The following SEC14L1 variants were observed in gnomAD, a reference collection of about 807,000 sequenced individuals.
SEC14L1 encodes SEC14-like protein 1.
SEC14L1 carries 48 observed loss-of-function variants against 85.3 expected under a neutral mutation model. The ratio of observed to expected loss-of-function variants is 0.56; its 90% confidence interval spans 0.45 to 0.72. SEC14L1 has a LOEUF of 0.72. SEC14L1 is among the 30% of genes least tolerant of loss of function. The pLI, the probability that SEC14L1 is intolerant of heterozygous loss-of-function variation, is 0.00. For missense variants in SEC14L1, 682 were observed against 921.4 expected, an observed-to-expected ratio of 0.74 and a Z score of 3.36; for synonymous variants, 391 against 355.5, an observed-to-expected ratio of 1.10 and a Z score of -1.12.
At chr17:77,189,198 A>G (rs1467464852) in intron 3 of SEC14L1, among the ~76,000 whole-genome samples, 1 of 152,184 alleles carries the variant, frequency 6.6e-6, no homozygotes, top group Admixed American at 6.5e-5. Flanking sequence ...TGAGCTGAGC[A>G]GGGGAAGCTG....
chr17:77,132,113 C>T (rs16969683), intron 3 of SEC14L1, among the ~76,000 whole-genome samples: 48,136 of 152,060 alleles, frequency 0.32, 8,251 homozygotes, highest in African/African-American at 0.45. Flanking sequence ...GGAAACTTTG[C>T]CAGATGGCCC....
At chr17:77,152,535 CAAA>C (rs11295576) in intron 3 of SEC14L1, 12 of 108,332 alleles carry the variant, frequency 1.1e-4, no homozygotes, top group Non-Finnish European at 2.0e-4. Context: ...GACTCCGTCT[CAAA>C]AAAAAAAAAA....
chr17:77,140,686 G>C (rs2143491278), upstream of SEC14L1: 1 of 137,356 alleles, frequency 7.3e-6, no homozygotes. Context: ...CCCCCAACAA[G>C]TGACGCAAAA....
intron 3 of SEC14L1, among the ~76,000 whole-genome samples, chr17:77,100,258 C>G (rs753575169): frequency 1.3e-5 from 2 of 152,220 alleles, no homozygotes; most frequent in Admixed American, 6.5e-5. Flanking sequence ...CTGCACCCTC[C>G]GAGCACTGTG....
intron 3 of SEC14L1, among the ~76,000 whole-genome samples, chr17:77,163,216 C>G (rs1167247912): frequency 6.6e-6 from 1 of 152,140 alleles, no homozygotes; most frequent in Non-Finnish European, 1.5e-5. Context: ...ATTGGACTTA[C>G]CCTGTCACAC....
intron 3 of SEC14L1, among the ~76,000 whole-genome samples, chr17:77,175,384 C>CA (rs1311615735): frequency 6.6e-6 from 1 of 152,212 alleles, no homozygotes; most frequent in Non-Finnish European, 1.5e-5. Flanking sequence ...CTAGCTAAAG[C>CA]AAGCTTATAG....
chr17:77,216,632 A>G lies in SEC14L1; in HGVS notation c.*2609A>G. 1 of 1,612,096 alleles carries G rather than the reference A, an allele frequency of 6.2e-7. No individual in the cohort carries two copies. The highest frequency in any genetic ancestry group is 1.3e-5 in the African/African-American group (1 of 74,926). ...CAGAGATGTTTATAGAACTGTTTGA[A>G]TTGCAGCCATCCCCTGCCCCCTCCC... On this transcript the variant is annotated 3_prime_UTR_variant, in exon 17 of 17. Transcript: ENST00000436233.
At chr17:77,132,296 C>T (rs1163842779) in intron 3 of SEC14L1, among the ~76,000 whole-genome samples, 1 of 149,006 alleles carries the variant, frequency 6.7e-6, no homozygotes, top group Admixed American at 6.7e-5. Flanking sequence ...GGCACGATCT[C>T]ACTGCACCCT....
rs544933729 is a variant in SEC14L1, at chr17:77,190,704, G to A, written c.64-99G>A. The A allele has an allele frequency of 9.5e-5, 117 of 1,231,508 alleles. 1 individual carries two copies. Among genetic ancestry groups the A allele is most frequent in the Middle Eastern group, 6.3e-4 (3 of 4,768 alleles). The allele number at this position is 1,231,508 out of a possible 1,614,324, so 76.3% of individuals were successfully genotyped here. ...GACAGTTGTGGCGCTGCCTGTTGCC[G>A]TGCACCGAGAGGTGCTGTTCCAGGG... On this transcript the variant is annotated intron_variant, in intron 3 of 16. Transcript: ENST00000436233.
chr17:77,190,209 T>G (rs1263639292), intron 3 of SEC14L1, among the ~76,000 whole-genome samples: 2 of 152,252 alleles, frequency 1.3e-5, no homozygotes, highest in Non-Finnish European at 2.9e-5. Context: ...TCCAGTAACA[T>G]GTTGAAAAGA....
chr17:77,094,854 C>T (rs1971602135), intron 3 of SEC14L1: 1 of 152,222 alleles, frequency 6.6e-6, no homozygotes, highest in African/African-American at 2.4e-5. Flanking sequence ...CTACATTCTC[C>T]TCTGCATGCT....
intron 3 of SEC14L1, among the ~76,000 whole-genome samples, chr17:77,111,837 T>C (rs898924598): frequency 6.6e-6 from 1 of 152,172 alleles, no homozygotes; most frequent in African/African-American, 2.4e-5. Flanking sequence ...ACTTGGACTT[T>C]TGGGTTAATG....
intron 3 of SEC14L1, among the ~76,000 whole-genome samples, chr17:77,176,468 G>C (rs529111734): frequency 8.5e-5 from 13 of 152,342 alleles, no homozygotes; most frequent in African/African-American, 2.9e-4. Context: ...GCTCCTGTCT[G>C]CCTAGGCATT....
rs543260671 is a variant in SEC14L1 at position 77,161,037 on chromosome 17, C to T, written c.63+17378C>T. Among the ~76,000 whole-genome samples, 13 of 152,176 alleles carry T rather than the reference C, an allele frequency of 8.5e-5. No individual in the cohort carries two copies. The East Asian group carries it at 9.7e-4, about 11-fold the overall frequency. Reference sequence around the variant, plus strand: ...CTGTCCAGTTTGAAAGAAGCTGTGCCCCTCCTGTTCAGTTCCATATTCATT... The same window carrying T: ...CTGTCCAGTTTGAAAGAAGCTGTGCTCCTCCTGTTCAGTTCCATATTCATT... On this transcript the variant is annotated intron_variant, in intron 3 of 16. Coordinates refer to ENST00000436233, the MANE Select transcript of SEC14L1 (RefSeq NM_001143998.2).
At chr17:77,146,247 C>T (rs1040185857) in intron 3 of SEC14L1, among the ~76,000 whole-genome samples, 11 of 151,964 alleles carry the variant, frequency 7.2e-5, no homozygotes, top group Admixed American at 3.9e-4. Flanking sequence ...GCCCACGGCC[C>T]GGGGTGGACA....
chr17:77,214,602 C>T lies in SEC14L1; in HGVS notation c.*579C>T, dbSNP rs996696711. ...GAGTACCTTGTCCCAGGGCCAGACA[C>T]ACCCACACCACCCACTGTCCTGCAG... On this transcript the variant is annotated 3_prime_UTR_variant, in exon 17 of 17. Transcript: ENST00000436233. The T allele has an allele frequency of 1.0e-6, 1 of 986,948 alleles. No individual in the cohort carries two copies. The highest frequency in any genetic ancestry group is 1.2e-6 in the Non-Finnish European group (1 of 831,030). The allele number at this position is 986,948 out of a possible 1,614,324, so 61.1% of individuals were successfully genotyped here. A position where few individuals can be genotyped will look rare whatever the true frequency, so the allele number is the denominator to read the frequency against.
chr17:77,110,466 A>G (rs1237890101), intron 3 of SEC14L1, among the ~76,000 whole-genome samples: 1 of 152,166 alleles, frequency 6.6e-6, no homozygotes, highest in East Asian at 1.9e-4. Flanking sequence ...AATATGAGTG[A>G]CCATGGCCAG....
exon 2 of SEC14L1, chr17:77,089,224 G>C (rs1971445512): frequency 2.9e-6 from 1 of 342,008 alleles, no homozygotes; most frequent in Admixed American, 3.6e-5. Context: ...TTTTCTTCCT[G>C]CCCCTCGTTG....
Position 77,214,038 on chromosome 17 carries a change from C to T in SEC14L1, c.*15C>T. On this transcript the variant is annotated 3_prime_UTR_variant, in exon 17 of 17. Coordinates refer to ENST00000436233, the MANE Select transcript of SEC14L1 (RefSeq NM_001143998.2). ...TCTCCAGGTAGTGCCGCGCTGCCTG[C>T]ACCTAGTGTGCAGAGGGGACGGCCG... The T allele has an allele frequency of 6.2e-7, 1 of 1,610,066 alleles. No individual in the cohort carries two copies.
Sources: gnomAD v4.1 joint callset for allele counts (sites outside exome capture counted in the v4.1 genomes callset) on GRCh38, gnomAD v4.1.1 for gene constraint, MANE v1.5 for transcripts, NCBI Gene and HGNC (gene_info 2026-07-23, HGNC 2026-07-21) for gene names.